Variants in EXOC6 observed in about 807,000 individuals in gnomAD.
EXOC6 encodes the protein SEC15-like 1.
Under a neutral mutation model 112.5 loss-of-function variants are expected in EXOC6, and 60 were observed. The ratio of observed to expected loss-of-function variants is 0.53; its 90% confidence interval spans 0.43 to 0.66. The LOEUF is 0.66. Ranked by LOEUF, EXOC6 falls within the 30% of genes least tolerant of loss-of-function variation. The pLI is 0.00. For synonymous variants in EXOC6, 295 were observed against 308.0 expected (o/e 0.96, Z 0.44); for missense variants, 855 against 957.1 (o/e 0.89, Z 1.41).
At chr10:92,909,282 A>T in intron 5 of EXOC6, 145 bp from the exon 6 acceptor site, 1 of 564,390 alleles carries the variant, frequency 1.8e-6, no homozygotes, top group East Asian at 3.0e-5. Context: ...CTTGACAAAT[A>T]GATGTAAATA....
At position 92,934,527 on chromosome 10, in the gene EXOC6, C is replaced by T. The variant is rs1589860661; in HGVS notation, c.1140+97C>T. 85 of 1,061,852 alleles carry T rather than the reference C, an allele frequency of 8.0e-5. No homozygotes were observed. The East Asian group carries it at 2.4e-3, about 30-fold the overall frequency. The allele number at this position is 1,061,852 out of a possible 1,614,324, so 65.8% of individuals were successfully genotyped here. Reference sequence around the variant, plus strand: ...AGAGGAAAACTGTACCTCCATCATTCTGCATTTTTTTAGTAGTTGCTTAGA... The same window carrying T: ...AGAGGAAAACTGTACCTCCATCATTTTGCATTTTTTTAGTAGTTGCTTAGA... On this transcript the variant is annotated intron_variant, in intron 11 of 21. Transcript: ENST00000260762.
chr10:92,942,877 C>T (rs889075975), intron 13 of EXOC6, among the ~76,000 whole-genome samples: 1 of 152,154 alleles, frequency 6.6e-6, no homozygotes, highest in African/African-American at 2.4e-5. Context: ...AAGCTAATGG[C>T]TTCATTCACA....
chr10:93,021,658 C>T (rs1844799596), intron 20 of EXOC6, among the ~76,000 whole-genome samples: 1 of 152,174 alleles, frequency 6.6e-6, no homozygotes, highest in African/African-American at 2.4e-5. Flanking sequence ...AAGTTGAAAA[C>T]AGGATTGATT....
At chr10:93,026,923 C>T (rs778933407) in intron 20 of EXOC6, among the ~76,000 whole-genome samples, 3 of 152,144 alleles carry the variant, frequency 2.0e-5, no homozygotes, top group Non-Finnish European at 2.9e-5. Context: ...ATGTCTCTCA[C>T]AAAAGCTAGA....
chr10:92,834,205 C>T (rs142016854), upstream of EXOC6, among the ~76,000 whole-genome samples: 916 of 152,246 alleles, frequency 6.0e-3, 3 homozygotes, highest in Middle Eastern at 0.01. Flanking sequence ...AAAATCACAT[C>T]CCATAGCACA....
intron 18 of EXOC6, among the ~76,000 whole-genome samples, chr10:92,982,712 C>T (rs1564885272): frequency 6.6e-6 from 1 of 152,148 alleles, no homozygotes; most frequent in Non-Finnish European, 1.5e-5. Flanking sequence ...TCTATTTAAA[C>T]AGCATCTTCT....
intron 11 of EXOC6, among the ~76,000 whole-genome samples, chr10:92,935,019 T>G (rs1269266163): frequency 6.6e-6 from 1 of 152,008 alleles, no homozygotes; most frequent in African/African-American, 2.4e-5. Flanking sequence ...AAAGTTGTAG[T>G]AGTTTACCTT....
intron 12 of EXOC6, among the ~76,000 whole-genome samples, chr10:92,939,746 G>A (rs1413816684): frequency 6.6e-6 from 1 of 152,118 alleles, no homozygotes; most frequent in Non-Finnish European, 1.5e-5. Flanking sequence ...CAAGGAAACT[G>A]GAAGGATTGT....
chr10:92,957,660 G>T (rs533699260), intron 17 of EXOC6, among the ~76,000 whole-genome samples: 3 of 152,244 alleles, frequency 2.0e-5, no homozygotes, highest in African/African-American at 7.2e-5. Context: ...TAATATGTGA[G>T]CAAGAGCTGT....
At chr10:92,957,056 G>A (rs1174571018) in intron 17 of EXOC6, among the ~76,000 whole-genome samples, 1 of 151,886 alleles carries the variant, frequency 6.6e-6, no homozygotes, top group Non-Finnish European at 1.5e-5. Flanking sequence ...TTAACAATAT[G>A]GTATAATAAG....
intron 8 of EXOC6, among the ~76,000 whole-genome samples, chr10:92,924,409 C>T (rs938125622): frequency 2.0e-5 from 3 of 152,158 alleles, no homozygotes; most frequent in Non-Finnish European, 2.9e-5. Flanking sequence ...TTTTAAGTTA[C>T]ACTGGCTAAC....
intron 20 of EXOC6, among the ~76,000 whole-genome samples, chr10:93,033,714 T>C: frequency 6.6e-6 from 1 of 151,378 alleles, no homozygotes; most frequent in Non-Finnish European, 1.5e-5. Flanking sequence ...TGTGGGTAGA[T>C]TTTGATTTAT....
At chr10:93,044,672 G>C (rs941567000) in intron 20 of EXOC6, among the ~76,000 whole-genome samples, 4 of 152,120 alleles carry the variant, frequency 2.6e-5, no homozygotes, top group African/African-American at 9.7e-5. Flanking sequence ...CTTCACCAAA[G>C]ATTTATTGCC....
chr10:92,906,493 A>G lies in EXOC6; in HGVS notation c.459-2934A>G, dbSNP rs1850449944. Among the ~76,000 whole-genome samples the G allele has an allele frequency of 2.0e-5, 3 of 152,184 alleles. No individual in the cohort carries two copies. In the South Asian group the frequency reaches 6.2e-4, roughly 32 times the overall value. On this transcript the variant is annotated intron_variant, in intron 5 of 21. Transcript: ENST00000260762. ...AGGCCAGAGAATCATTAGAGTACTC[A>G]CATGTTCTCCATTTAGTGATGACAT...
At chr10:92,990,152 G>A (rs1236150577) in intron 18 of EXOC6, among the ~76,000 whole-genome samples, 1 of 151,972 alleles carries the variant, frequency 6.6e-6, no homozygotes, top group African/African-American at 2.4e-5. Flanking sequence ...TTTTCTTAAT[G>A]TTATAAAACA....
chr10:93,052,135 CT>C (rs1159721044), intron 20 of EXOC6, among the ~76,000 whole-genome samples: 9 of 152,164 alleles, frequency 5.9e-5, no homozygotes, highest in African/African-American at 2.2e-4. Flanking sequence ...ACAAAGAAAG[CT>C]AAATCAGATT....
chr10:92,844,051 T>C (rs558247884), upstream of EXOC6, among the ~76,000 whole-genome samples: 2 of 142,486 alleles, frequency 1.4e-5, no homozygotes, highest in Non-Finnish European at 1.5e-5. Context: ...CACAGAAGGC[T>C]GAGGCAGGGG....
At chr10:92,999,226 T>G (rs1338934288) in intron 19 of EXOC6, 3 of 402,108 alleles carry the variant, frequency 7.5e-6, no homozygotes, top group South Asian at 1.8e-5. Context: ...TTTACAAGTT[T>G]TTTTTTTTTT....
intron 1 of EXOC6, among the ~76,000 whole-genome samples, chr10:92,849,291 G>C (rs188587961): frequency 6.6e-6 from 1 of 152,360 alleles, no homozygotes; most frequent in African/African-American, 2.4e-5. Context: ...CGGGATCTAA[G>C]CTGCTTTGGA....
Sources: gnomAD v4.1 joint callset for allele counts (sites outside exome capture counted in the v4.1 genomes callset) on GRCh38, gnomAD v4.1.1 for gene constraint, MANE v1.5 for transcripts, NCBI Gene and HGNC (gene_info 2026-07-23, HGNC 2026-07-21) for gene names.